NEDD4: variants seen among roughly 807,000 people sequenced by gnomAD.
NEDD4 encodes E3 ubiquitin-protein ligase NEDD4.
In NEDD4, 99 loss-of-function variants were observed where a neutral mutation model predicts 144.9. That is an observed-to-expected ratio of 0.68 (90% CI 0.58 to 0.81). The LOEUF is 0.81. Among genes scored for constraint, NEDD4 ranks in the 30% least tolerant of loss-of-function variants. The probability of loss-of-function intolerance (pLI) is 0.00; values close to 1 mark genes in which losing one functional copy is unlikely to be tolerated. For synonymous variants in NEDD4, 318 were observed against 350.6 expected, an observed-to-expected ratio of 0.91 and a Z score of 1.04; for missense variants, 985 against 1,065.9, an observed-to-expected ratio of 0.92 and a Z score of 1.06.
intron 4 of NEDD4, among the ~76,000 whole-genome samples, chr15:55,933,213 A>G (rs1362551616): frequency 6.6e-6 from 1 of 152,100 alleles, no homozygotes; most frequent in African/African-American, 2.4e-5. Flanking sequence ...TCATGCTGCT[A>G]TAAAGACACA....
intron 24 of NEDD4, among the ~76,000 whole-genome samples, chr15:55,835,049 C>T (rs1192955155): frequency 6.6e-6 from 1 of 152,136 alleles, no homozygotes; most frequent in Non-Finnish European, 1.5e-5. Flanking sequence ...TGTGCTCAAC[C>T]CATACCTACC....
chr15:55,916,361 A>C (rs747111533), intron 5 of NEDD4: 2 of 1,614,004 alleles, frequency 1.2e-6, no homozygotes, highest in Non-Finnish European at 1.7e-6. Flanking sequence ...ACCCATTATC[A>C]CTGGTTGAAA....
Position 55,848,370 on chromosome 15 carries a change from A to C in NEDD4, c.1542+2T>G. 1 of 1,613,794 alleles carries C rather than the reference A, an allele frequency of 6.2e-7. No homozygotes were observed. The highest frequency in any genetic ancestry group is 2.2e-5 in the East Asian group (1 of 44,882). Reference sequence around the variant, plus strand: ...TCAGAGCACACTGGCAGAGAGACTTACTGGTCCAGTTATTGCTACATTCTC... The same window carrying C: ...TCAGAGCACACTGGCAGAGAGACTTCCTGGTCCAGTTATTGCTACATTCTC... On this transcript the variant is annotated splice_donor_variant, in intron 17 of 28. Coordinates refer to ENST00000435532, the MANE Select transcript of NEDD4 (RefSeq NM_006154.4). LOFTEE classifies it high-confidence loss of function.
chr15:55,966,145 C>A lies in NEDD4; in HGVS notation c.119+328G>T, dbSNP rs183940286. On this transcript the variant is annotated intron_variant, in intron 2 of 28. Transcript: ENST00000435532. ...TGCCTGCTCTGTTCACTCTCCACTG[C>A]CTTCAGGTTGCTGCTTTTTGTATTA... 4.9e-4 allele frequency among the ~76,000 whole-genome samples: 74 copies of A among 152,312 alleles called. 1 individual carries two copies. Among genetic ancestry groups the A allele is most frequent in the Admixed American group, 4.4e-3 (67 of 15,306 alleles).
intron 5 of NEDD4, among the ~76,000 whole-genome samples, chr15:55,883,516 C>T (rs2035270620): frequency 1.3e-5 from 2 of 151,958 alleles, no homozygotes; most frequent in South Asian, 4.2e-4. Flanking sequence ...ATTGTAGAGC[C>T]CTAGGGCCTT....
chr15:55,986,756 A>ATT (rs35732139), intron 1 of NEDD4, among the ~76,000 whole-genome samples: 11,130 of 144,348 alleles, frequency 0.077, 529 homozygotes, highest in Non-Finnish European at 0.11. Context: ...CACCCGGCTA[A>ATT]TTTTTTTTTT....
chr15:55,870,421 T>A (rs1445911315), intron 7 of NEDD4, among the ~76,000 whole-genome samples: 1 of 152,186 alleles, frequency 6.6e-6, no homozygotes, highest in African/African-American at 2.4e-5. Context: ...TTTTGAATAA[T>A]CAGTTGTCTA....
chr15:55,840,011 T>A (rs1463031818), intron 21 of NEDD4, among the ~76,000 whole-genome samples: 484 of 21,838 alleles, frequency 0.022, 12 homozygotes, highest in African/African-American at 0.029. Flanking sequence ...TATATATATA[T>A]ATATATATAT....
chr15:55,962,962 A>G (rs558773754), intron 2 of NEDD4, among the ~76,000 whole-genome samples: 4 of 145,164 alleles, frequency 2.8e-5, no homozygotes, highest in Admixed American at 6.9e-5. Context: ...AATTTTGTAT[A>G]TTAGTAGAGA....
chr15:55,830,988 G>A (rs780249375), intron 27 of NEDD4, among the ~76,000 whole-genome samples: 3 of 152,110 alleles, frequency 2.0e-5, no homozygotes, highest in Admixed American at 6.5e-5. Context: ...GCATGATCTC[G>A]GCTCAATGCA....
At chr15:55,840,805 TTA>T in intron 19 of NEDD4, 78 bp from the exon 20 acceptor site, 1 of 1,420,210 alleles carries the variant, frequency 7.0e-7, no homozygotes, top group Non-Finnish European at 9.7e-7. Flanking sequence ...TCTTCCTCCT[TTA>T]AGAGTTGTTT....
At position 55,951,416 on chromosome 15, in the gene NEDD4, T is replaced by G. The variant is rs1443667351; in HGVS notation, c.199-2A>C. 2.6e-5 allele frequency: 29 copies of G among 1,098,412 alleles called. No homozygotes were observed. In the Admixed American group the frequency reaches 8.1e-4, roughly 31 times the overall value. The allele number at this position is 1,098,412 out of a possible 1,614,324, so 68.0% of individuals were successfully genotyped here. ...TTCATTCCACTTTGGATTCAAACTC[T>G]AAAAAATAATAAACATAGTATAACT... On this transcript the variant is annotated splice_acceptor_variant, in intron 3 of 28. Transcript: ENST00000435532. LOFTEE classifies it high-confidence loss of function.
Position 55,958,983 on chromosome 15 carries a change from A to C in NEDD4, c.120-7394T>G. On this transcript the variant is annotated intron_variant, in intron 2 of 28. Coordinates refer to ENST00000435532, the MANE Select transcript of NEDD4 (RefSeq NM_006154.4). ...AAATAACAAGCTTTTGATTACAATA[A>C]TTTTTTTTCTACCATTGTCCACTTT... Among the ~76,000 whole-genome samples the C allele has an allele frequency of 1.3e-5, 2 of 150,098 alleles. 1 individual carries two copies. Among genetic ancestry groups the C allele is most frequent in the Admixed American group, 1.3e-4 (2 of 14,944 alleles).
chr15:55,869,895 T>TAAATCAATAAC (rs2034721015), intron 7 of NEDD4, among the ~76,000 whole-genome samples: 2 of 49,060 alleles, frequency 4.1e-5, no homozygotes, highest in Non-Finnish European at 5.3e-5. Context: ...AAATAAATAA[T>TAAATCAATAAC]TGTTATGACA....
At position 55,848,592 on chromosome 15, in the gene NEDD4, A is replaced by C. The variant is rs1229302387; in HGVS notation, c.1429-17T>G. Reference sequence around the variant, plus strand: ...CCATCCTGGCTATAATTAAAAATGTATTTCAATTATTTTAGGAGAGGGGCG... The same window carrying C: ...CCATCCTGGCTATAATTAAAAATGTCTTTCAATTATTTTAGGAGAGGGGCG... On this transcript the variant is annotated splice_polypyrimidine_tract_variant and intron_variant, in intron 15 of 28. Coordinates refer to ENST00000435532, the MANE Select transcript of NEDD4 (RefSeq NM_006154.4). 6.2e-7 allele frequency: 1 copy of C among 1,603,174 alleles called. No individual in the cohort carries two copies. The highest frequency in any genetic ancestry group is 1.7e-5 in the Admixed American group (1 of 59,968).
At chr15:55,921,475 C>A (rs2036568385) in intron 5 of NEDD4, among the ~76,000 whole-genome samples, 1 of 151,984 alleles carries the variant, frequency 6.6e-6, no homozygotes, top group South Asian at 2.1e-4. Context: ...CAGGTGCGCA[C>A]CATCAGGCCT....
At chr15:55,979,572 C>T (rs1256592060) in intron 1 of NEDD4, among the ~76,000 whole-genome samples, 1 of 151,416 alleles carries the variant, frequency 6.6e-6, no homozygotes, top group Non-Finnish European at 1.5e-5. Flanking sequence ...CCAGGATGGT[C>T]TCGATCTCCT....
At chr15:55,878,200 A>G (rs1222971535) in intron 5 of NEDD4, among the ~76,000 whole-genome samples, 1 of 152,200 alleles carries the variant, frequency 6.6e-6, no homozygotes, top group East Asian at 1.9e-4. Context: ...AAGTGGCTAT[A>G]ATAATATCAG....
At chr15:55,921,599 G>T (rs1239570461) in intron 5 of NEDD4, among the ~76,000 whole-genome samples, 1 of 152,030 alleles carries the variant, frequency 6.6e-6, no homozygotes, top group African/African-American at 2.4e-5. Flanking sequence ...TGATCCACCC[G>T]CCTCAGCCTC....
Sources: gnomAD v4.1 joint callset for allele counts (sites outside exome capture counted in the v4.1 genomes callset) on GRCh38, gnomAD v4.1.1 for gene constraint, MANE v1.5 for transcripts, NCBI Gene and HGNC (gene_info 2026-07-23, HGNC 2026-07-21) for gene names.